Variants in SLC37A1 observed in about 807,000 individuals in gnomAD.
SLC37A1 encodes the protein solute carrier family 37 member 1, also known as glucose-6-phosphate exchanger SLC37A1.
A neutral mutation model predicts 75.3 loss-of-function variants in SLC37A1; 49 were observed. The observed-to-expected ratio is 0.65, with a 90% CI of 0.52 to 0.83. The LOEUF (loss-of-function observed/expected upper bound fraction) is 0.83. SLC37A1 is among the 40% of genes least tolerant of loss of function. The pLI is 0.00. For synonymous variants in SLC37A1, 268 were observed against 292.1 expected (o/e 0.92, Z 0.84); for missense variants, 566 against 695.0 (o/e 0.81, Z 2.09).
At chr21:42,538,725 G>A (rs545032403) in intron 5 of SLC37A1, among the ~76,000 whole-genome samples, 13 of 152,166 alleles carry the variant, frequency 8.5e-5, no homozygotes, top group African/African-American at 1.7e-4. Flanking sequence ...CTGTGATGGC[G>A]GCTAAAGACT....
At chr21:42,556,690 G>C (rs988538409) in intron 10 of SLC37A1, among the ~76,000 whole-genome samples, 1 of 152,212 alleles carries the variant, frequency 6.6e-6, no homozygotes, top group African/African-American at 2.4e-5. Context: ...GAAACTGCTT[G>C]TTTAGAGGCA....
rs143416273 is a variant in SLC37A1 at position 42,534,826 on chromosome 21, G to A, written c.267G>A (p.Pro89=). Residue 89 remains proline (P), a synonymous_variant, in exon 4 of 20, where the codon CCG becomes CCA. Coordinates refer to ENST00000352133, the MANE Select transcript of SLC37A1 (RefSeq NM_001320537.2). ...PDNETDCGWA[P]FDKNNYQQLL... is the part of the protein sequence containing the mutation. ...ATGAGACCGACTGTGGCTGGGCACC[G>A]TTTGGTAAGTCGATTATCGGTCCGT... The A allele has an allele frequency of 1.5e-4, 234 of 1,613,272 alleles. No homozygotes were observed. Among genetic ancestry groups the A allele is most frequent in the Non-Finnish European group, 1.9e-4 (219 of 1,179,686 alleles).
chr21:42,533,229 C>T (rs1479052654), intron 3 of SLC37A1, among the ~76,000 whole-genome samples: 1 of 152,196 alleles, frequency 6.6e-6, no homozygotes, highest in Non-Finnish European at 1.5e-5. Flanking sequence ...GGTTCCAGCT[C>T]ACGAGGACAC....
chr21:42,525,065 T>C (rs2054747337), intron 2 of SLC37A1, among the ~76,000 whole-genome samples: 6 of 152,174 alleles, frequency 3.9e-5, no homozygotes. Context: ...ACGACAGCGT[T>C]TGGGGGCTTG....
chr21:42,567,730 T>C (rs1249597725), intron 16 of SLC37A1, among the ~76,000 whole-genome samples: 1 of 152,232 alleles, frequency 6.6e-6, no homozygotes, highest in Non-Finnish European at 1.5e-5. Flanking sequence ...TTTAGGCTTC[T>C]AGGCACTGTT....
intron 8 of SLC37A1, among the ~76,000 whole-genome samples, chr21:42,544,413 C>T (rs979470730): frequency 3.9e-5 from 6 of 152,206 alleles, no homozygotes; most frequent in Non-Finnish European, 5.9e-5. Flanking sequence ...TCCATTTAGT[C>T]GCTCACTTTT....
intron 9 of SLC37A1, among the ~76,000 whole-genome samples, chr21:42,550,458 T>G (rs1171186384): frequency 6.6e-6 from 1 of 152,222 alleles, no homozygotes; most frequent in African/African-American, 2.4e-5. Flanking sequence ...ATTGTTAATT[T>G]AAAAACTTCA....
chr21:42,528,412 A>C (rs2054856363), intron 3 of SLC37A1, among the ~76,000 whole-genome samples: 2 of 152,216 alleles, frequency 1.3e-5, no homozygotes, highest in Non-Finnish European at 2.9e-5. Context: ...CCAGAAAAGA[A>C]ACCTGAAAGC....
intron 9 of SLC37A1, among the ~76,000 whole-genome samples, chr21:42,553,610 C>T (rs947444365): frequency 6.6e-6 from 1 of 151,670 alleles, no homozygotes. Context: ...TGCCCTCTAG[C>T]AGCAGGTCCA....
intron 3 of SLC37A1, among the ~76,000 whole-genome samples, chr21:42,530,641 CACACA>C (rs2054932371): frequency 2.2e-4 from 7 of 31,894 alleles, no homozygotes; most frequent in South Asian, 1.6e-3. Flanking sequence ...CACACACACA[CACACA>C]CACACACACC....
intron 3 of SLC37A1, among the ~76,000 whole-genome samples, chr21:42,531,983 C>T (rs112867038): frequency 0.013 from 1,963 of 151,758 alleles, 24 homozygotes; most frequent in Non-Finnish European, 0.02. Flanking sequence ...TTCCCAGGGG[C>T]GGAGGGCCAG....
chr21:42,540,345 C>T (rs761867735), intron 6 of SLC37A1, among the ~76,000 whole-genome samples: 2 of 152,140 alleles, frequency 1.3e-5, no homozygotes, highest in African/African-American at 4.8e-5. Context: ...TTTATCAGTG[C>T]CTAGGAGTGT....
At chr21:42,566,395 C>G (rs149957399) in intron 15 of SLC37A1, among the ~76,000 whole-genome samples, 1 of 152,236 alleles carries the variant, frequency 6.6e-6, no homozygotes, top group Non-Finnish European at 1.5e-5. Flanking sequence ...CCTCCAGGAG[C>G]GGTTGCGTAA....
chr21:42,535,742 A>G (rs1352016402), intron 5 of SLC37A1, among the ~76,000 whole-genome samples, 192 bp downstream of exon 5: 1 of 152,142 alleles, frequency 6.6e-6, no homozygotes, highest in African/African-American at 2.4e-5. Flanking sequence ...TGCCCACAAC[A>G]CAGGACCTCG....
At position 42,526,819 on chromosome 21, in the gene SLC37A1, G is replaced by C. The variant is rs185968466; in HGVS notation, c.138+962G>C. Among the ~76,000 whole-genome samples, 7 of 152,322 alleles carry C rather than the reference G, an allele frequency of 4.6e-5. No homozygotes were observed. The East Asian group carries it at 1.3e-3, about 29-fold the overall frequency. ...AAGTTGTTGACTGTGGAAAACGTTT[G>C]CAGACCTTTGAAAATGTGGTTTTTA... On this transcript the variant is annotated intron_variant, in intron 3 of 19. Coordinates refer to ENST00000352133, the MANE Select transcript of SLC37A1 (RefSeq NM_001320537.2).
intron 1 of SLC37A1, among the ~76,000 whole-genome samples, chr21:42,517,014 G>GT (rs937016521): frequency 3.1e-4 from 47 of 152,306 alleles, no homozygotes; most frequent in African/African-American, 1.1e-3. Context: ...TTCATTCAAC[G>GT]TGAGTTTCTT....
At chr21:42,576,422 C>T (rs1042444681) in intron 18 of SLC37A1, among the ~76,000 whole-genome samples, 7 of 151,800 alleles carry the variant, frequency 4.6e-5, no homozygotes, top group African/African-American at 1.5e-4. Flanking sequence ...AATACAGAAG[C>T]AAATAGGGAC....
upstream of SLC37A1, among the ~76,000 whole-genome samples, chr21:42,510,878 A>G (rs1374344817): frequency 6.6e-6 from 1 of 152,208 alleles, no homozygotes; most frequent in African/African-American, 2.4e-5. Flanking sequence ...TCAAGAGAGA[A>G]ATAGCAATAC....
At chr21:42,517,152 A>G (rs1420251757) in intron 1 of SLC37A1, among the ~76,000 whole-genome samples, 3 of 152,236 alleles carry the variant, frequency 2.0e-5, no homozygotes, top group Non-Finnish European at 4.4e-5. Context: ...CGCATTTACT[A>G]CGTACCAGGC....
Sources: allele counts gnomAD v4.1 joint callset (sites outside exome capture counted in the v4.1 genomes callset), GRCh38; gene constraint gnomAD v4.1.1; transcripts MANE v1.5; gene names NCBI Gene and HGNC (gene_info 2026-07-23, HGNC 2026-07-21).